Variants in HS3ST4 observed in about 807,000 individuals in gnomAD.
HS3ST4 encodes the protein heparan sulfate-glucosamine 3-sulfotransferase 4.
Under a neutral mutation model 29.2 loss-of-function variants are expected in HS3ST4, and 17 were observed. That is an observed-to-expected ratio of 0.58 (90% confidence interval 0.40 to 0.87). The LOEUF is 0.87. Among genes scored for constraint, HS3ST4 ranks in the 40% least tolerant of loss-of-function variants. The probability of loss-of-function intolerance (pLI) is 0.00; values close to 1 mark genes in which losing one functional copy is unlikely to be tolerated. For missense variants in HS3ST4, 627 were observed against 634.5 expected (o/e 0.99, Z 0.13); for synonymous variants, 314 against 285.7 (o/e 1.10, Z -1.00).
At chr16:25,966,510 T>G (rs138830252) in intron 1 of HS3ST4, among the ~76,000 whole-genome samples, 1 of 152,290 alleles carries the variant, frequency 6.6e-6, no homozygotes, top group African/African-American at 2.4e-5. Context: ...GGTGCTCTAT[T>G]GCTTGCCACT....
intron 1 of HS3ST4, among the ~76,000 whole-genome samples, chr16:25,755,869 TTCA>T (rs918780371): frequency 1.3e-5 from 2 of 152,162 alleles, no homozygotes; most frequent in Non-Finnish European, 2.9e-5. Flanking sequence ...TCAGTTTTTT[TTCA>T]TCATCACACT....
At chr16:25,782,323 C>T (rs909693261) in intron 1 of HS3ST4, among the ~76,000 whole-genome samples, 7 of 152,150 alleles carry the variant, frequency 4.6e-5, no homozygotes, top group Admixed American at 6.5e-5. Context: ...AGCCACCAAA[C>T]GGAAGTACCT....
chr16:25,813,480 T>C (rs1405905161), intron 1 of HS3ST4, among the ~76,000 whole-genome samples: 2 of 152,012 alleles, frequency 1.3e-5, no homozygotes, highest in Admixed American at 1.3e-4. Context: ...GCCTGTAATC[T>C]CAGCTACTTG....
At chr16:25,871,071 A>C (rs1313259795) in intron 1 of HS3ST4, among the ~76,000 whole-genome samples, 1 of 152,208 alleles carries the variant, frequency 6.6e-6, no homozygotes, top group African/African-American at 2.4e-5. Context: ...AGAGTATGTT[A>C]GTTTGGATCT....
At chr16:25,989,542 G>A (rs1969096668) in intron 1 of HS3ST4, among the ~76,000 whole-genome samples, 1 of 152,188 alleles carries the variant, frequency 6.6e-6, no homozygotes, top group South Asian at 2.1e-4. Flanking sequence ...GGTGGCTTCT[G>A]ATTAGTTAGC....
At position 25,752,932 on chromosome 16, in the gene HS3ST4, G is replaced by T. The variant is rs115050695; in HGVS notation, c.734+59781G>T. Among the ~76,000 whole-genome samples the T allele has an allele frequency of 7.5e-3, 1,142 of 152,250 alleles. 13 individuals carry two copies. Among genetic ancestry groups the T allele is most frequent in the African/African-American group, 0.025 (1,056 of 41,542 alleles). On this transcript the variant is annotated intron_variant, in intron 1 of 1. Coordinates refer to ENST00000331351, the MANE Select transcript of HS3ST4 (RefSeq NM_006040.3). The stretch of plus-strand genomic sequence containing the variant: ...CAATTAGACTGACGGTATTATAGAG[G>T]GAGTGTCGTATTGCAGGCAGCAATC...
intron 1 of HS3ST4, among the ~76,000 whole-genome samples, chr16:26,004,419 T>A (rs1311285025): frequency 6.6e-6 from 1 of 152,136 alleles, no homozygotes; most frequent in Non-Finnish European, 1.5e-5. Context: ...GTGGAGAGAT[T>A]TACAAGGTTA....
intron 1 of HS3ST4, among the ~76,000 whole-genome samples, chr16:25,768,760 C>G (rs11074716): frequency 0.28 from 42,230 of 151,922 alleles, 6,347 homozygotes; most frequent in Non-Finnish European, 0.33. Flanking sequence ...ATTTGTTTGG[C>G]CCTGATGTTT....
intron 1 of HS3ST4, among the ~76,000 whole-genome samples, chr16:25,781,419 C>T (rs1382501634): frequency 1.3e-5 from 2 of 152,178 alleles, no homozygotes; most frequent in Non-Finnish European, 1.5e-5. Context: ...AGTTCTTCTT[C>T]GGCCCTTAGG....
chr16:25,731,371 C>G (rs1966568964), intron 1 of HS3ST4, among the ~76,000 whole-genome samples: 1 of 152,174 alleles, frequency 6.6e-6, no homozygotes, highest in African/African-American at 2.4e-5. Context: ...GACAAGGCCT[C>G]CCTGTGTTGC....
At chr16:25,891,877 T>A (rs1567266151) in intron 1 of HS3ST4, among the ~76,000 whole-genome samples, 1 of 152,174 alleles carries the variant, frequency 6.6e-6, no homozygotes, top group African/African-American at 2.4e-5. Flanking sequence ...CTGAGTGATG[T>A]TGGGTGAGTC....
intron 1 of HS3ST4, among the ~76,000 whole-genome samples, chr16:25,720,915 G>A (rs564349331): frequency 6.6e-6 from 1 of 152,310 alleles, no homozygotes; most frequent in African/African-American, 2.4e-5. Flanking sequence ...GGACTACTCA[G>A]TCTTTGGCAA....
chr16:26,092,626 A>G (rs1898870549), intron 1 of HS3ST4, among the ~76,000 whole-genome samples: 2 of 152,348 alleles, frequency 1.3e-5, no homozygotes, highest in East Asian at 3.9e-4. Flanking sequence ...GATCCGTTCC[A>G]AGATGGCTGA....
intron 1 of HS3ST4, among the ~76,000 whole-genome samples, chr16:26,106,336 C>T (rs900799655): frequency 4.6e-5 from 7 of 152,314 alleles, no homozygotes; most frequent in East Asian, 3.9e-4. Flanking sequence ...CTACTCCGTA[C>T]GGCCCAAGGT....
rs988667003 is a variant in HS3ST4, at chr16:26,110,513, G to A, written c.735-25099G>A. Among the ~76,000 whole-genome samples, 27 of 152,220 alleles carry A rather than the reference G, an allele frequency of 1.8e-4. 1 individual carries two copies. Among genetic ancestry groups the A allele is most frequent in the Admixed American group, 1.2e-3 (19 of 15,278 alleles). ...CCAGTTTCTCAGGCCTGATACCTTG[G>A]AGTTACCCTGACATCCCTCTTCTTA... On this transcript the variant is annotated intron_variant, in intron 1 of 1. Transcript: ENST00000331351.
At chr16:25,816,280 G>A (rs377043597) in intron 1 of HS3ST4, among the ~76,000 whole-genome samples, 1 of 152,118 alleles carries the variant, frequency 6.6e-6, no homozygotes, top group Non-Finnish European at 1.5e-5. Flanking sequence ...TTTAGGGACT[G>A]TCCTATCTTC....
intron 1 of HS3ST4, among the ~76,000 whole-genome samples, chr16:25,966,044 C>A (rs1968838899): frequency 6.6e-6 from 1 of 152,120 alleles, no homozygotes; most frequent in African/African-American, 2.4e-5. Flanking sequence ...TGTTGAGAGC[C>A]TTCATATACC....
intron 1 of HS3ST4, among the ~76,000 whole-genome samples, chr16:26,047,062 C>T (rs952673360): frequency 2.0e-5 from 3 of 152,188 alleles, no homozygotes; most frequent in Non-Finnish European, 4.4e-5. Flanking sequence ...TCTGTGCTTT[C>T]CTGCTTAAAA....
At chr16:25,910,578 G>A (rs1344826759) in intron 1 of HS3ST4, among the ~76,000 whole-genome samples, 2 of 152,008 alleles carry the variant, frequency 1.3e-5, no homozygotes, top group African/African-American at 4.8e-5. Flanking sequence ...AGGAGGCAGA[G>A]GTTGCAGTGA....
Sources: gnomAD v4.1 joint callset for allele counts (sites outside exome capture counted in the v4.1 genomes callset) on GRCh38, gnomAD v4.1.1 for gene constraint, MANE v1.5 for transcripts, NCBI Gene and HGNC (gene_info 2026-07-23, HGNC 2026-07-21) for gene names.